SCHIP1: variants seen among roughly 807,000 people sequenced by gnomAD.
SCHIP1 encodes the protein schwannomin-interacting protein 1.
Under a neutral mutation model 29.7 loss-of-function variants are expected in SCHIP1, and 8 were observed. The observed-to-expected ratio is 0.27, with a 90% CI of 0.16 to 0.49. The LOEUF is 0.49. Among genes scored for constraint, SCHIP1 ranks in the 20% least tolerant of loss-of-function variants. The pLI is 0.99. For missense variants in SCHIP1, 193 were observed against 294.6 expected, an observed-to-expected ratio of 0.66 and a Z score of 2.52; for synonymous variants, 76 against 94.9, an observed-to-expected ratio of 0.80 and a Z score of 1.16.
chr3:159,751,945 C>A, the SCHIP1 span, among the ~76,000 whole-genome samples: 1 of 152,096 alleles, frequency 6.6e-6, no homozygotes, highest in African/African-American at 2.4e-5. Flanking sequence ...ATACTTCATG[C>A]GTGGTTTAGC....
chr3:159,338,968 A>G, the SCHIP1 span, among the ~76,000 whole-genome samples: 7 of 152,100 alleles, frequency 4.6e-5, no homozygotes, highest in Non-Finnish European at 1.0e-4. Flanking sequence ...CTGAGGAAGA[A>G]ACCTAAAATG....
chr3:159,281,181 T>A, the SCHIP1 span, among the ~76,000 whole-genome samples: 1 of 152,302 alleles, frequency 6.6e-6, no homozygotes, highest in Admixed American at 6.5e-5. Flanking sequence ...AAGACTGGGC[T>A]AATTAGAAGC....
the SCHIP1 span, among the ~76,000 whole-genome samples, chr3:159,750,566 G>A: frequency 1.3e-5 from 2 of 152,050 alleles, no homozygotes; most frequent in Non-Finnish European, 2.9e-5. Flanking sequence ...CAGGTAGGAT[G>A]TGGAATCAGA....
the SCHIP1 span, among the ~76,000 whole-genome samples, chr3:159,799,276 A>G: frequency 6.6e-6 from 1 of 152,248 alleles, no homozygotes; most frequent in Non-Finnish European, 1.5e-5. Flanking sequence ...GGCTAAGGCC[A>G]CTACGCAGCA....
the SCHIP1 span, among the ~76,000 whole-genome samples, chr3:159,586,315 G>A: frequency 2.0e-5 from 3 of 152,144 alleles, no homozygotes; most frequent in Non-Finnish European, 4.4e-5. Flanking sequence ...CTCTAGGTTT[G>A]AAGCTGGAAG....
chr3:159,731,245 G>A, the SCHIP1 span, among the ~76,000 whole-genome samples: 2 of 152,276 alleles, frequency 1.3e-5, no homozygotes, highest in South Asian at 4.2e-4. Flanking sequence ...ACCAAATTAG[G>A]CTCTACTCTC....
the SCHIP1 span, among the ~76,000 whole-genome samples, chr3:159,698,420 C>A: frequency 1.3e-5 from 2 of 152,080 alleles, no homozygotes; most frequent in African/African-American, 4.8e-5. Flanking sequence ...TGAATTTTGG[C>A]ATGTAGTCCA....
the SCHIP1 span, among the ~76,000 whole-genome samples, chr3:159,736,703 C>A: frequency 6.6e-6 from 1 of 152,052 alleles, no homozygotes; most frequent in Admixed American, 6.5e-5. Flanking sequence ...GGACGTTCTC[C>A]CCACACCTAC....
chr3:159,584,795 G>A, the SCHIP1 span, among the ~76,000 whole-genome samples: 1 of 152,152 alleles, frequency 6.6e-6, no homozygotes, highest in East Asian at 1.9e-4. Flanking sequence ...TGAAGTATGG[G>A]AATCACTGCT....
At chr3:159,722,775 AG>A in the SCHIP1 span, among the ~76,000 whole-genome samples, 2 of 152,210 alleles carry the variant, frequency 1.3e-5, no homozygotes, top group African/African-American at 2.4e-5. Context: ...TGGCTCAAAG[AG>A]GTTTCGTGGC....
At chr3:159,573,314 G>A in the SCHIP1 span, among the ~76,000 whole-genome samples, 7 of 152,060 alleles carry the variant, frequency 4.6e-5, no homozygotes, top group African/African-American at 9.7e-5. Flanking sequence ...CCTGGTGATG[G>A]CAAAATCTCT....
At chr3:159,277,894 A>G in the SCHIP1 span, among the ~76,000 whole-genome samples, 61,358 of 151,356 alleles carry the variant, frequency 0.41, 12,696 homozygotes, top group African/African-American at 0.44. Context: ...CAGCCTGGAC[A>G]ACGAGCAAAA....
At chr3:159,398,011 G>A in the SCHIP1 span, among the ~76,000 whole-genome samples, 14 of 152,210 alleles carry the variant, frequency 9.2e-5, no homozygotes, top group South Asian at 1.2e-3. Context: ...AGCCAGGTGC[G>A]GGATATAATC....
the SCHIP1 span, among the ~76,000 whole-genome samples, chr3:159,286,295 G>T: frequency 7.9e-5 from 12 of 152,070 alleles, no homozygotes; most frequent in African/African-American, 2.7e-4. Context: ...TCATCATTTA[G>T]CTCCCACTTA....
chr3:159,333,219 A>G, the SCHIP1 span, among the ~76,000 whole-genome samples: 3 of 152,228 alleles, frequency 2.0e-5, no homozygotes, highest in Admixed American at 1.3e-4. Flanking sequence ...TATAAATTCA[A>G]AGTTGCAAAG....
chr3:159,524,161 G>C, the SCHIP1 span, among the ~76,000 whole-genome samples: 8 of 152,168 alleles, frequency 5.3e-5, no homozygotes, highest in Non-Finnish European at 4.4e-5. Flanking sequence ...TATGCACCAC[G>C]TAGAAATGTC....
the SCHIP1 span, among the ~76,000 whole-genome samples, chr3:159,376,441 C>A: frequency 9.2e-5 from 14 of 152,260 alleles, 1 homozygote; most frequent in Admixed American, 5.9e-4. Flanking sequence ...TGCCTCCCCC[C>A]AAAAACTTCA....
At chr3:159,586,413 T>C in the SCHIP1 span, among the ~76,000 whole-genome samples, 12 of 152,198 alleles carry the variant, frequency 7.9e-5, no homozygotes, top group Admixed American at 2.6e-4. Context: ...AAAAACGCTA[T>C]GCTTAGAATT....
the SCHIP1 span, among the ~76,000 whole-genome samples, chr3:159,316,865 AAAG>A: frequency 1.3e-5 from 2 of 152,346 alleles, no homozygotes; most frequent in Non-Finnish European, 2.9e-5. Context: ...GTTTTTAACA[AAAG>A]AAGGAGGAAA....
Sources: allele counts gnomAD v4.1 joint callset (sites outside exome capture counted in the v4.1 genomes callset), GRCh38; gene constraint gnomAD v4.1.1; transcripts MANE v1.5; gene names NCBI Gene and HGNC (gene_info 2026-07-23, HGNC 2026-07-21).